The following CACNA1C variants were observed in gnomAD, a reference collection of about 807,000 sequenced individuals.
CACNA1C encodes the protein voltage-dependent L-type calcium channel subunit alpha-1C.
CACNA1C carries 30 observed loss-of-function variants against 229.0 expected under a neutral mutation model. That is an observed-to-expected ratio of 0.13 (90% CI 0.10 to 0.18). The LOEUF is 0.18. Among genes scored for constraint, CACNA1C ranks in the 10% least tolerant of loss-of-function variants. The pLI, the probability that CACNA1C is intolerant of heterozygous loss-of-function variation, is 1.00. For missense variants in CACNA1C, 1,658 were observed against 2,845.0 expected (o/e 0.58, Z 9.49); for synonymous variants, 1,114 against 1,132.5 (o/e 0.98, Z 0.33).
At chr12:2,590,410 T>C (rs1286946564) in intron 18 of CACNA1C, among the ~76,000 whole-genome samples, 2 of 152,226 alleles carry the variant, frequency 1.3e-5, no homozygotes, top group Non-Finnish European at 2.9e-5. Flanking sequence ...TGTATTCTAC[T>C]GGCATTTGGG....
intron 3 of CACNA1C, among the ~76,000 whole-genome samples, chr12:2,132,323 C>T: frequency 1.5e-5 from 1 of 67,030 alleles, no homozygotes. Context: ...TTGCCCTGGC[C>T]AGAACTTCCA....
At chr12:2,283,855 T>C (rs2092079644) in intron 3 of CACNA1C, among the ~76,000 whole-genome samples, 1 of 152,222 alleles carries the variant, frequency 6.6e-6, no homozygotes, top group Non-Finnish European at 1.5e-5. Flanking sequence ...TTGTGCTTCA[T>C]TCATGCAGGC....
Position 2,601,443 on chromosome 12 carries a change from A to G in CACNA1C, c.2854-411A>G, listed in dbSNP as rs570357447. Among the ~76,000 whole-genome samples the G allele has an allele frequency of 2.6e-5, 4 of 151,816 alleles. No individual in the cohort carries two copies. In the South Asian group the frequency reaches 8.3e-4, roughly 32 times the overall value. ...TCTGGTGCTCTCAGCTGGCCTAAGG[A>G]CTCAAGCATTTGGAGAGGCAGTCGG... is the stretch of plus-strand genomic sequence containing the variant. On this transcript the variant is annotated intron_variant, in intron 21 of 46. Coordinates refer to ENST00000399655, the MANE Select transcript of CACNA1C (RefSeq NM_000719.7). This position sits in a 1 kb window ranked among gnomAD's most constrained non-coding sequence, Gnocchi z 5.9.
chr12:2,450,508 CAT>C (rs2099356877), intron 4 of CACNA1C, among the ~76,000 whole-genome samples: 6 of 124,470 alleles, frequency 4.8e-5, no homozygotes, highest in South Asian at 2.7e-4. Context: ...GAGCCGAGAT[CAT>C]GCCACTGCAC....
intron 3 of CACNA1C, among the ~76,000 whole-genome samples, chr12:2,151,281 G>T (rs1482182399): frequency 1.6e-4 from 23 of 147,972 alleles, no homozygotes; most frequent in Admixed American, 6.7e-5. Flanking sequence ...TTTATTTTTT[G>T]CCCAGGTCTG....
chr12:2,554,809 C>T (rs949783065), intron 10 of CACNA1C, among the ~76,000 whole-genome samples: 4 of 152,174 alleles, frequency 2.6e-5, no homozygotes. Flanking sequence ...TGGAGTTTTC[C>T]CTGGCCTCCA....
At chr12:2,200,712 C>T (rs1013431807) in intron 3 of CACNA1C, among the ~76,000 whole-genome samples, 2 of 152,232 alleles carry the variant, frequency 1.3e-5, no homozygotes, top group African/African-American at 2.4e-5. Context: ...TAGAATGTTG[C>T]GATGGTAGCT....
intron 3 of CACNA1C, among the ~76,000 whole-genome samples, chr12:2,257,755 A>T (rs2078538934): frequency 6.6e-6 from 1 of 152,210 alleles, no homozygotes; most frequent in Non-Finnish European, 1.5e-5. Context: ...GAGGTTCCAA[A>T]CTAAGGTTTA....
intron 3 of CACNA1C, among the ~76,000 whole-genome samples, chr12:2,171,421 G>T (rs1400452737): frequency 6.6e-6 from 1 of 152,306 alleles, no homozygotes; most frequent in East Asian, 1.9e-4. Flanking sequence ...TGCGAGGAGG[G>T]ATGAGCATTC....
chr12:2,388,530 G>A (rs2098434090), intron 3 of CACNA1C, among the ~76,000 whole-genome samples: 1 of 152,254 alleles, frequency 6.6e-6, no homozygotes, highest in Non-Finnish European at 1.5e-5. Flanking sequence ...AGGGAAGTAT[G>A]AAGAATCTGA....
chr12:1,995,040 A>G (rs942378592), intron 1 of CACNA1C, among the ~76,000 whole-genome samples: 1 of 152,104 alleles, frequency 6.6e-6, no homozygotes, highest in East Asian at 1.9e-4. Context: ...GAGGAGTTAG[A>G]TTTGGAGAAA....
intron 3 of CACNA1C, among the ~76,000 whole-genome samples, chr12:2,180,991 A>G (rs1363583953): frequency 6.6e-6 from 1 of 152,050 alleles, no homozygotes; most frequent in Non-Finnish European, 1.5e-5. Flanking sequence ...AAACACCTGG[A>G]TTTGTTTCAT....
At chr12:2,655,075 T>C (rs1337871398) in intron 33 of CACNA1C, 72 bp from the exon 34 acceptor site, 6 of 925,420 alleles carry the variant, frequency 6.5e-6, no homozygotes, top group South Asian at 2.8e-5. Flanking sequence ...GAAGAGACCA[T>C]TGAACAATGG....
intron 3 of CACNA1C, among the ~76,000 whole-genome samples, chr12:2,177,379 A>G (rs2096677781): frequency 6.6e-6 from 1 of 152,168 alleles, no homozygotes; most frequent in Non-Finnish European, 1.5e-5. Context: ...AATACACAGA[A>G]TCCAGTTCAA....
chr12:2,370,633 TG>T (rs1236500550), intron 3 of CACNA1C, among the ~76,000 whole-genome samples: 2 of 152,236 alleles, frequency 1.3e-5, no homozygotes, highest in African/African-American at 4.8e-5. Flanking sequence ...ATCACATTTT[TG>T]TACAGTATAA....
At chr12:2,553,538 G>A (rs2042451464) in intron 10 of CACNA1C, among the ~76,000 whole-genome samples, 1 of 152,218 alleles carries the variant, frequency 6.6e-6, no homozygotes, top group African/African-American at 2.4e-5. Context: ...AAAGGTTGCT[G>A]GGCAGCACTG....
In CACNA1C at chr12:2,336,898, CTT is replaced by C. The variant is rs543418630; in HGVS notation, c.478-112075_478-112074del. 2.6e-5 allele frequency among the ~76,000 whole-genome samples: 4 copies of C among 152,264 alleles called. No individual in the cohort carries two copies. In the South Asian group the frequency reaches 8.3e-4, roughly 32 times the overall value. On this transcript the variant is annotated intron_variant, in intron 3 of 46. Transcript: ENST00000399655. Reference sequence around the variant, plus strand: ...TTGGGACACAGGATGAGATACTACTCTTTTAAGAGTAAGACACCGCAAGAAAA... The same window carrying C: ...TTGGGACACAGGATGAGATACTACTCTTAAGAGTAAGACACCGCAAGAAAA...
chr12:2,316,445 A>G (rs1411782989), intron 3 of CACNA1C, among the ~76,000 whole-genome samples: 1 of 152,226 alleles, frequency 6.6e-6, no homozygotes, highest in Non-Finnish European at 1.5e-5. Flanking sequence ...TCAGGTATCT[A>G]CTGTATGCAG....
At chr12:2,085,725 T>C (rs1028965488) in intron 1 of CACNA1C, among the ~76,000 whole-genome samples, 1 of 152,206 alleles carries the variant, frequency 6.6e-6, no homozygotes, top group East Asian at 1.9e-4. Context: ...CATCCTGTAC[T>C]GTGTCACCAG....
Sources: gnomAD v4.1 joint callset for allele counts (sites outside exome capture counted in the v4.1 genomes callset) on GRCh38, gnomAD v4.1.1 for gene constraint, Gnocchi (gnomAD v3.1) non-coding constraint, MANE v1.5 for transcripts, NCBI Gene and HGNC (gene_info 2026-07-23, HGNC 2026-07-21) for gene names.